AFG1L: variants seen among roughly 807,000 people sequenced by gnomAD.
AFG1L encodes the protein AFG1 like ATPase.
In AFG1L, 53 loss-of-function variants were observed where a neutral mutation model predicts 62.2. The ratio of observed to expected loss-of-function variants is 0.85; its 90% CI spans 0.68 to 1.07. AFG1L has a LOEUF of 1.07. Ranked by LOEUF, AFG1L falls within the 50% of genes least tolerant of loss-of-function variation. AFG1L has a pLI of 0.00. For synonymous variants in AFG1L, 228 were observed against 210.3 expected (o/e 1.08, Z -0.73); for missense variants, 555 against 590.5 (o/e 0.94, Z 0.62).
At chr6:108,391,573 G>T (rs1447629526) in intron 6 of AFG1L, among the ~76,000 whole-genome samples, 1 of 152,120 alleles carries the variant, frequency 6.6e-6, no homozygotes, top group Admixed American at 6.6e-5. Flanking sequence ...CTCCCACTCT[G>T]TGCGTTGTCT....
In AFG1L at chr6:108,319,271, C is replaced by T. The variant is rs932714429; in HGVS notation, c.140-4554C>T. On this transcript the variant is annotated intron_variant, in intron 1 of 12. Coordinates refer to ENST00000368977, the MANE Select transcript of AFG1L (RefSeq NM_145315.5). ...TAATTAATTTGTTTAGACAGGGTCT[C>T]GTTCTGTCACCCAGACAGGAGTGCA... Among the ~76,000 whole-genome samples, 7 of 152,206 alleles carry T rather than the reference C, an allele frequency of 4.6e-5. No individual in the cohort carries two copies. In the East Asian group the frequency reaches 1.4e-3, roughly 29 times the overall value.
At chr6:108,477,025 A>G (rs1262745021) in intron 9 of AFG1L, 90 bp downstream of exon 9, 13 of 1,195,962 alleles carry the variant, frequency 1.1e-5, no homozygotes, top group Non-Finnish European at 1.6e-5. Context: ...ATTGCTGTAT[A>G]TGGGTTGATG....
intron 7 of AFG1L, among the ~76,000 whole-genome samples, chr6:108,423,453 A>C (rs1158399132): frequency 6.6e-6 from 1 of 152,068 alleles, no homozygotes; most frequent in Non-Finnish European, 1.5e-5. Flanking sequence ...GTGCACATTG[A>C]ACAATAGTTT....
At chr6:108,507,671 C>A (rs1774470204) in intron 10 of AFG1L, among the ~76,000 whole-genome samples, 1 of 152,162 alleles carries the variant, frequency 6.6e-6, no homozygotes, top group African/African-American at 2.4e-5. Context: ...TGAGGTTTTA[C>A]ATTTTTTTAT....
At chr6:108,493,981 C>T (rs747496634) in intron 10 of AFG1L, among the ~76,000 whole-genome samples, 8 of 152,096 alleles carry the variant, frequency 5.3e-5, no homozygotes, top group Non-Finnish European at 1.2e-4. Context: ...CAGGCCTGTG[C>T]CACCATGCCT....
intron 2 of AFG1L, among the ~76,000 whole-genome samples, chr6:108,333,408 C>CA (rs112132179): frequency 0.033 from 4,425 of 132,620 alleles, 203 homozygotes; most frequent in African/African-American, 0.11. Context: ...GACTCCATCT[C>CA]AAAAAAAAAA....
chr6:108,508,854 G>A (rs1774525105), intron 10 of AFG1L, among the ~76,000 whole-genome samples: 2 of 152,186 alleles, frequency 1.3e-5, no homozygotes, highest in Non-Finnish European at 2.9e-5. Flanking sequence ...TTCATGCAAA[G>A]GACTTCCCAA....
At chr6:108,487,067 G>A (rs1175969995) in intron 10 of AFG1L, among the ~76,000 whole-genome samples, 1 of 152,190 alleles carries the variant, frequency 6.6e-6, no homozygotes, top group African/African-American at 2.4e-5. Context: ...GAATATAAAA[G>A]AAGTCAGTAA....
At chr6:108,380,859 G>A (rs1408457798) in intron 6 of AFG1L, among the ~76,000 whole-genome samples, 4 of 152,152 alleles carry the variant, frequency 2.6e-5, no homozygotes, top group Non-Finnish European at 5.9e-5. Context: ...GAGTCACAGA[G>A]GAGACTTCTT....
intron 1 of AFG1L, among the ~76,000 whole-genome samples, chr6:108,303,453 C>T (rs1777086992): frequency 6.6e-6 from 1 of 152,194 alleles, no homozygotes; most frequent in Admixed American, 6.5e-5. Flanking sequence ...GATGCTAGCT[C>T]TTCCTGGTGT....
At chr6:108,353,706 A>G (rs1184206183) in intron 3 of AFG1L, among the ~76,000 whole-genome samples, 1 of 152,146 alleles carries the variant, frequency 6.6e-6, no homozygotes, top group African/African-American at 2.4e-5. Flanking sequence ...ATCTATAAGT[A>G]TACTACACTG....
intron 10 of AFG1L, among the ~76,000 whole-genome samples, chr6:108,481,334 G>A (rs1261119227): frequency 6.6e-6 from 1 of 152,136 alleles, no homozygotes; most frequent in Non-Finnish European, 1.5e-5. Context: ...TTAATCCAAG[G>A]GTAGTGGAGA....
chr6:108,524,562 A>G lies in AFG1L; in HGVS notation c.*2137A>G, dbSNP rs998471058. 6.6e-6 allele frequency: 1 copy of G among 152,240 alleles called. No individual in the cohort carries two copies. The highest frequency in any genetic ancestry group is 2.4e-5 in the African/African-American group (1 of 41,456). The allele number at this position is 152,240 out of a possible 1,614,324, so 9.4% of individuals were successfully genotyped here. On this transcript the variant is annotated 3_prime_UTR_variant, in exon 13 of 13. Coordinates refer to ENST00000368977, the MANE Select transcript of AFG1L (RefSeq NM_145315.5). ...CTATAATGTCATTTTGGTACGAAAG[A>G]ACTTAAACCCTGAGAAAAAAACTGT...
chr6:108,508,581 C>T (rs188672807), intron 10 of AFG1L, among the ~76,000 whole-genome samples: 1 of 152,256 alleles, frequency 6.6e-6, no homozygotes, highest in African/African-American at 2.4e-5. Flanking sequence ...GTGCCCATTG[C>T]CTAGGTCCCA....
chr6:108,522,440 T>G lies in AFG1L; in HGVS notation c.*15T>G, dbSNP rs1157102959. 1.2e-6 allele frequency: 2 copies of G among 1,603,204 alleles called. No homozygotes were observed. The highest frequency in any genetic ancestry group is 1.7e-6 in the Non-Finnish European group (2 of 1,171,690). Reference sequence around the variant, plus strand: ...CCAAGAAGTAACTGCCACTTTTGCATAAATAAAACTCTAGACAAATGGTTA... The same window carrying G: ...CCAAGAAGTAACTGCCACTTTTGCAGAAATAAAACTCTAGACAAATGGTTA... On this transcript the variant is annotated 3_prime_UTR_variant, in exon 13 of 13. Transcript: ENST00000368977.
chr6:108,348,316 G>C (rs1582414484), intron 3 of AFG1L, among the ~76,000 whole-genome samples: 1 of 152,232 alleles, frequency 6.6e-6, no homozygotes. Context: ...CTGACCTCGT[G>C]ATCCGCTCTC....
chr6:108,355,257 T>A (rs1392017579), intron 3 of AFG1L, among the ~76,000 whole-genome samples: 1 of 152,096 alleles, frequency 6.6e-6, no homozygotes, highest in East Asian at 1.9e-4. Context: ...TTTTCATTTT[T>A]GAATTTTCCC....
chr6:108,358,913 C>A (rs1243827223), intron 5 of AFG1L, among the ~76,000 whole-genome samples: 7 of 152,184 alleles, frequency 4.6e-5, no homozygotes, highest in African/African-American at 1.7e-4. Flanking sequence ...TCTGGCTGTG[C>A]AAAGCACATG....
At chr6:108,353,596 G>A (rs902314249) in intron 3 of AFG1L, among the ~76,000 whole-genome samples, 5 of 149,146 alleles carry the variant, frequency 3.4e-5, no homozygotes, top group Non-Finnish European at 5.9e-5. Context: ...TTTAATAGTC[G>A]TTCTAATGTA....
Sources: gnomAD v4.1 joint callset for allele counts (sites outside exome capture counted in the v4.1 genomes callset) on GRCh38, gnomAD v4.1.1 for gene constraint, MANE v1.5 for transcripts, NCBI Gene and HGNC (gene_info 2026-07-23, HGNC 2026-07-21) for gene names.